The following PTBP2 variants were observed in gnomAD, a reference collection of about 807,000 sequenced individuals.
PTBP2 encodes polypyrimidine tract-binding protein 2.
A neutral mutation model predicts 61.4 loss-of-function variants in PTBP2; 13 were observed. The ratio of observed to expected loss-of-function variants is 0.21; its 90% CI spans 0.14 to 0.34. PTBP2 has a LOEUF of 0.34. PTBP2 is among the 10% of genes least tolerant of loss of function. The probability of loss-of-function intolerance (pLI) is 1.00; values close to 1 mark genes in which losing one functional copy is unlikely to be tolerated. For missense variants in PTBP2, 405 were observed against 642.6 expected, an observed-to-expected ratio of 0.63 and a Z score of 4.00; for synonymous variants, 215 against 218.5, an observed-to-expected ratio of 0.98 and a Z score of 0.14.
intron 3 of PTBP2, among the ~76,000 whole-genome samples, chr1:96,763,973 G>A (rs1230392343): frequency 6.6e-6 from 1 of 152,160 alleles, no homozygotes; most frequent in Non-Finnish European, 1.5e-5. Context: ...AAAGGACGTT[G>A]GTAGACAATG....
intron 3 of PTBP2, among the ~76,000 whole-genome samples, chr1:96,763,070 G>T (rs929855732): frequency 6.6e-6 from 1 of 151,650 alleles, no homozygotes; most frequent in African/African-American, 2.4e-5. Context: ...TGGCGGCCGG[G>T]CAGAGACCTC....
chr1:96,764,944 C>CT (rs1165687079), intron 3 of PTBP2, among the ~76,000 whole-genome samples: 6 of 152,134 alleles, frequency 3.9e-5, no homozygotes, highest in African/African-American at 1.2e-4. Context: ...TAATAGTTAC[C>CT]TTTTACGGAA....
At chr1:96,738,960 A>G (rs1001412360) in intron 2 of PTBP2, among the ~76,000 whole-genome samples, 1 of 152,226 alleles carries the variant, frequency 6.6e-6, no homozygotes, top group African/African-American at 2.4e-5. Flanking sequence ...GTTCAGTGAT[A>G]AGACAATGAA....
chr1:96,806,358 G>T, intron 9 of PTBP2, 61 bp from the exon 10 acceptor site: 1 of 1,299,426 alleles, frequency 7.7e-7, no homozygotes. Context: ...GTTCATCTCC[G>T]CTCTTCCTCG....
intron 8 of PTBP2, among the ~76,000 whole-genome samples, chr1:96,800,790 A>C (rs946676281): frequency 6.6e-6 from 1 of 152,098 alleles, no homozygotes; most frequent in East Asian, 1.9e-4. Flanking sequence ...TTACCATTAT[A>C]AATTTATTTT....
intron 11 of PTBP2, 113 bp from the exon 12 acceptor site, chr1:96,812,598 TG>T (rs1006886482): frequency 2.3e-6 from 2 of 857,716 alleles, no homozygotes; most frequent in Non-Finnish European, 3.5e-6. Flanking sequence ...GGTAAATTGG[TG>T]ATTTATTTTA....
intron 8 of PTBP2, among the ~76,000 whole-genome samples, chr1:96,786,169 A>T (rs1001021237): frequency 1.3e-5 from 2 of 152,174 alleles, no homozygotes; most frequent in Admixed American, 6.5e-5. Flanking sequence ...AGTTATTGGA[A>T]ATATTTACTT....
At chr1:96,730,195 GCTGTTTTT>G (rs1263165895) in intron 2 of PTBP2, among the ~76,000 whole-genome samples, 1 of 152,004 alleles carries the variant, frequency 6.6e-6, no homozygotes, top group Admixed American at 6.5e-5. Flanking sequence ...AGTTTTCTCT[GCTGTTTTT>G]CTGTTTTCTA....
intron 2 of PTBP2, among the ~76,000 whole-genome samples, chr1:96,742,302 A>T (rs938824143): frequency 6.6e-6 from 1 of 152,184 alleles, no homozygotes; most frequent in Non-Finnish European, 1.5e-5. Flanking sequence ...TAAACAGCTT[A>T]TATGTAAGGG....
At chr1:96,728,140 C>T (rs1650858051) in intron 2 of PTBP2, among the ~76,000 whole-genome samples, 1 of 152,092 alleles carries the variant, frequency 6.6e-6, no homozygotes, top group African/African-American at 2.4e-5. Flanking sequence ...GCACACAGCA[C>T]CATGCCCAGC....
chr1:96,755,200 A>G (rs1400958958), intron 3 of PTBP2, among the ~76,000 whole-genome samples: 1 of 152,224 alleles, frequency 6.6e-6, no homozygotes, highest in Non-Finnish European at 1.5e-5. Flanking sequence ...AACAGGTAGT[A>G]CAGCACAAAA....
chr1:96,800,448 TAGACC>T (rs1314580569), intron 8 of PTBP2, among the ~76,000 whole-genome samples: 1 of 150,612 alleles, frequency 6.6e-6, no homozygotes. Context: ...AAAAGGGCTT[TAGACC>T]AGGTGTTGTG....
chr1:96,773,898 G>A (rs1474408167), intron 5 of PTBP2, among the ~76,000 whole-genome samples: 1 of 150,430 alleles, frequency 6.6e-6, no homozygotes, highest in African/African-American at 2.4e-5. Flanking sequence ...AGGAGGCGGA[G>A]CTTGCAGTGA....
exon 14 of PTBP2, chr1:96,821,986 T>C (rs1256802131): frequency 6.6e-6 from 1 of 152,164 alleles, no homozygotes; most frequent in Non-Finnish European, 1.5e-5. Flanking sequence ...CAAGTGTTCA[T>C]TACCTGCTAT....
intron 2 of PTBP2, among the ~76,000 whole-genome samples, chr1:96,743,623 C>T (rs1335281987): frequency 1.3e-5 from 2 of 152,042 alleles, no homozygotes; most frequent in Admixed American, 6.6e-5. Context: ...TACGTAAGTA[C>T]CTTTTTATAA....
chr1:96,810,883 G>A (rs1383517485), intron 11 of PTBP2, among the ~76,000 whole-genome samples: 2 of 152,138 alleles, frequency 1.3e-5, no homozygotes, highest in Non-Finnish European at 2.9e-5. Context: ...AGGTGTAAGC[G>A]TAAATTTGCA....
intron 3 of PTBP2, among the ~76,000 whole-genome samples, chr1:96,756,821 G>A (rs1655211924): frequency 6.6e-6 from 1 of 152,100 alleles, no homozygotes; most frequent in Non-Finnish European, 1.5e-5. Flanking sequence ...GGATTTTAGG[G>A]TACTGAAAAT....
At chr1:96,731,720 CTT>C (rs1248509517) in intron 2 of PTBP2, among the ~76,000 whole-genome samples, 1 of 151,796 alleles carries the variant, frequency 6.6e-6, no homozygotes, top group African/African-American at 2.4e-5. Context: ...TGATTTTAGA[CTT>C]TTTTTTGTTA....
At chr1:96,758,101 T>C (rs1054812562) in intron 3 of PTBP2, among the ~76,000 whole-genome samples, 7 of 151,932 alleles carry the variant, frequency 4.6e-5, no homozygotes, top group Non-Finnish European at 8.8e-5. Flanking sequence ...GATAGCACTT[T>C]CAATAAAAGC....
Sources: gnomAD v4.1 joint callset for allele counts (sites outside exome capture counted in the v4.1 genomes callset) on GRCh38, gnomAD v4.1.1 for gene constraint, MANE v1.5 for transcripts, NCBI Gene and HGNC (gene_info 2026-07-23, HGNC 2026-07-21) for gene names.